DNM2: variants seen among roughly 807,000 people sequenced by gnomAD.
The protein encoded by DNM2 is dynamin-2.
DNM2 carries 15 observed loss-of-function variants against 99.0 expected under a neutral mutation model. The observed-to-expected ratio is 0.15, with a 90% confidence interval of 0.10 to 0.23. DNM2 has a LOEUF of 0.23. DNM2 is among the 10% of genes least tolerant of loss of function. The pLI, the probability that DNM2 is intolerant of heterozygous loss-of-function variation, is 1.00. For missense variants in DNM2, 742 were observed against 1,189.4 expected, an observed-to-expected ratio of 0.62 and a Z score of 5.53; for synonymous variants, 525 against 481.2, an observed-to-expected ratio of 1.09 and a Z score of -1.19.
Position 10,787,869 on chromosome 19 carries a change from C to T in DNM2, c.992+1163C>T, listed in dbSNP as rs537423877. ...GCTTGAACCCAGGAGGTTGAGGTTG[C>T]AGTGAGCCGAGATCGTGCCATTGCA... On this transcript the variant is annotated intron_variant, in intron 7 of 20. Coordinates refer to ENST00000389253, the MANE Select transcript of DNM2 (RefSeq NM_001005361.3). Among the ~76,000 whole-genome samples, 791 of 150,784 alleles carry T rather than the reference C, an allele frequency of 5.2e-3. 8 individuals carry two copies. Among genetic ancestry groups the T allele is most frequent in the South Asian group, 0.021 (102 of 4,778 alleles).
At chr19:10,787,235 C>T (rs560169532) in intron 7 of DNM2, among the ~76,000 whole-genome samples, 14 of 151,758 alleles carry the variant, frequency 9.2e-5, no homozygotes, top group Admixed American at 7.9e-4. Flanking sequence ...TTTGGGAGGC[C>T]GAGGCGAGCG....
chr19:10,762,680 G>C (rs545301352), intron 2 of DNM2, among the ~76,000 whole-genome samples: 2 of 152,346 alleles, frequency 1.3e-5, no homozygotes, highest in East Asian at 3.9e-4. Flanking sequence ...TTACAGAGGA[G>C]GGAGCCAAGG....
chr19:10,802,543 TC>T (rs2072190456), intron 12 of DNM2, 185 bp downstream of exon 12: 1 of 703,620 alleles, frequency 1.4e-6, no homozygotes, highest in Non-Finnish European at 2.5e-6. Context: ...TGGTCCACTG[TC>T]CCCAACCAAC....
chr19:10,722,584 C>T (rs1292614631), intron 1 of DNM2, among the ~76,000 whole-genome samples: 2 of 151,822 alleles, frequency 1.3e-5, no homozygotes, highest in Admixed American at 6.6e-5. Context: ...ACCTTGTGAT[C>T]CGTCCACCTC....
chr19:10,806,990 G>A (rs979355282), intron 13 of DNM2, among the ~76,000 whole-genome samples: 1 of 152,040 alleles, frequency 6.6e-6, no homozygotes, highest in Non-Finnish European at 1.5e-5. Flanking sequence ...GAGCCACAAA[G>A]GGTTGTACCT....
At chr19:10,724,096 A>AAAAGGAGAAACATGGTTG (rs1555696974) in intron 1 of DNM2, among the ~76,000 whole-genome samples, 2 of 151,030 alleles carry the variant, frequency 1.3e-5, no homozygotes, top group Non-Finnish European at 2.9e-5. Context: ...AAAAAAAAAA[A>AAAAGGAGAAACATGGTTG]AAGGCGATAA....
chr19:10,770,304 TC>T (rs2070932680), intron 2 of DNM2, among the ~76,000 whole-genome samples: 1 of 152,240 alleles, frequency 6.6e-6, no homozygotes, highest in Non-Finnish European at 1.5e-5. Flanking sequence ...GAGGCCATTT[TC>T]ATTTTTTTAC....
intron 1 of DNM2, among the ~76,000 whole-genome samples, chr19:10,723,471 T>TC (rs2069009810): frequency 6.6e-6 from 1 of 152,204 alleles, no homozygotes; most frequent in African/African-American, 2.4e-5. Flanking sequence ...TTTCGCCATG[T>TC]TGGCCAGGCT....
intron 14 of DNM2, chr19:10,809,267 C>T (rs981666935): frequency 2.0e-5 from 3 of 152,292 alleles, no homozygotes; most frequent in Non-Finnish European, 2.9e-5. Context: ...AGCCTCTTTC[C>T]TAGATGCTGC....
chr19:10,757,315 C>T (rs2070426200), intron 1 of DNM2, among the ~76,000 whole-genome samples: 1 of 152,190 alleles, frequency 6.6e-6, no homozygotes, highest in Non-Finnish European at 1.5e-5. Context: ...GGGACAGCCC[C>T]CCGGCTGACG....
chr19:10,830,154 C>T lies in DNM2; in HGVS notation c.2319C>T (p.Ser773=). The stretch of plus-strand genomic sequence containing the variant: ...CCACTCCACAGCGCCGACCGGTGTC[C>T]AGCATACACCCCCCTGGCCGGCCCC... The part of the protein sequence containing the change: ...HSPTPQRRPV[S]SIHPPGRPPA... Residue 773 remains serine, a synonymous_variant, in exon 20 of 21, where the codon TCC becomes TCT. Coordinates refer to ENST00000389253, the MANE Select transcript of DNM2 (RefSeq NM_001005361.3). This position sits in a 1 kb window ranked among gnomAD's most constrained non-coding sequence, Gnocchi z 4.8. 6.2e-7 allele frequency: 1 copy of T among 1,613,868 alleles called. No homozygotes were observed. The highest frequency in any genetic ancestry group is 8.5e-7 in the Non-Finnish European group (1 of 1,179,818).
chr19:10,776,287 G>A (rs2071152501), intron 4 of DNM2, among the ~76,000 whole-genome samples: 1 of 152,238 alleles, frequency 6.6e-6, no homozygotes, highest in African/African-American at 2.4e-5. Flanking sequence ...AACCCAGATA[G>A]CTGATGTGAG....
chr19:10,797,288 T>A, intron 9 of DNM2, 92 bp from the exon 10 acceptor site: 1 of 1,563,060 alleles, frequency 6.4e-7, no homozygotes, highest in Non-Finnish European at 8.7e-7. Flanking sequence ...TGACTCTCGT[T>A]TCTTCTCTTC....
intron 1 of DNM2, among the ~76,000 whole-genome samples, chr19:10,743,984 C>T (rs1193799105): frequency 7.2e-6 from 1 of 139,136 alleles, no homozygotes; most frequent in Non-Finnish European, 1.5e-5. Flanking sequence ...AGACTGTTTC[C>T]AGAAAAAAAA....
chr19:10,737,498 CT>C (rs2069572757), intron 1 of DNM2, among the ~76,000 whole-genome samples: 1 of 151,918 alleles, frequency 6.6e-6, no homozygotes, highest in Admixed American at 6.6e-5. Context: ...TTCTTGTTTT[CT>C]TTTTTTGGGG....
rs992123568 is a variant in DNM2, at chr19:10,795,999, G to C, written c.1196+560G>C. On this transcript the variant is annotated intron_variant, in intron 9 of 20. Coordinates refer to ENST00000389253, the MANE Select transcript of DNM2 (RefSeq NM_001005361.3). This position sits in a 1 kb window ranked among gnomAD's most constrained non-coding sequence, Gnocchi z 4.2. Reference sequence around the variant, plus strand: ...GGACCCGGCCAGGGCCAATGAAATTGCTGACCATGCTTTGTTTCTCTCTGA... The same window carrying C: ...GGACCCGGCCAGGGCCAATGAAATTCCTGACCATGCTTTGTTTCTCTCTGA... The C allele has an allele frequency of 3.1e-6, 5 of 1,610,296 alleles. No individual in the cohort carries two copies. Among genetic ancestry groups the C allele is most frequent in the Middle Eastern group, 2.2e-4 (1 of 4,472 alleles).
At position 10,817,338 on chromosome 19, in the gene DNM2, C is replaced by G. The variant is rs567590978; in HGVS notation, c.1672-2642C>G. The G allele has an allele frequency of 2.2e-6, 1 of 454,696 alleles. No homozygotes were observed. Among genetic ancestry groups the G allele is most frequent in the African/African-American group, 2.0e-5 (1 of 49,738 alleles). The allele number at this position is 454,696 out of a possible 1,614,324, so 28.2% of individuals were successfully genotyped here. On this transcript the variant is annotated intron_variant, in intron 15 of 20. Coordinates refer to ENST00000389253, the MANE Select transcript of DNM2 (RefSeq NM_001005361.3). This position sits in a 1 kb window ranked among gnomAD's most constrained non-coding sequence, Gnocchi z 4.6. ...TCGAATCTTCTATGCGAGGCTCTGC[C>G]ACAGTGGGAAACGGGGTGGTGGAAA...
chr19:10,808,285 G>A (rs1030900526), intron 13 of DNM2, among the ~76,000 whole-genome samples: 2 of 152,164 alleles, frequency 1.3e-5, no homozygotes, highest in African/African-American at 4.8e-5. Context: ...CTACTGGAAG[G>A]AAGAACGTAA....
intron 15 of DNM2, among the ~76,000 whole-genome samples, chr19:10,819,684 C>T (rs746255831): frequency 7.9e-5 from 12 of 152,078 alleles, no homozygotes; most frequent in Middle Eastern, 6.8e-3. Context: ...GGGGAGGGTG[C>T]GGGTAGAGTT....
Sources: gnomAD v4.1 joint callset for allele counts (sites outside exome capture counted in the v4.1 genomes callset) on GRCh38, gnomAD v4.1.1 for gene constraint, Gnocchi (gnomAD v3.1) non-coding constraint, MANE v1.5 for transcripts, NCBI Gene and HGNC (gene_info 2026-07-23, HGNC 2026-07-21) for gene names.